DGKB: variants seen among roughly 807,000 people sequenced by gnomAD.
The protein encoded by DGKB is 90 kDa diacylglycerol kinase.
A neutral mutation model predicts 114.3 loss-of-function variants in DGKB; 67 were observed. The ratio of observed to expected loss-of-function variants is 0.59; its 90% confidence interval spans 0.48 to 0.72. The LOEUF (loss-of-function observed/expected upper bound fraction) is 0.72. Ranked by LOEUF, DGKB falls within the 30% of genes least tolerant of loss-of-function variation. DGKB has a pLI of 0.00. For missense variants in DGKB, 907 were observed against 975.2 expected, an observed-to-expected ratio of 0.93 and a Z score of 0.93; for synonymous variants, 398 against 323.1, an observed-to-expected ratio of 1.23 and a Z score of -2.49.
At chr7:14,150,824 T>C (rs1376980195) in intron 25 of DGKB, among the ~76,000 whole-genome samples, 1 of 152,128 alleles carries the variant, frequency 6.6e-6, no homozygotes, top group Non-Finnish European at 1.5e-5. Context: ...AAATTCTAGC[T>C]GTAGACAGGG....
chr7:14,929,336 T>C (rs1188404224), intron 1 of DGKB, among the ~76,000 whole-genome samples: 3 of 152,152 alleles, frequency 2.0e-5, no homozygotes, highest in African/African-American at 7.2e-5. Context: ...TGTACTAAAG[T>C]ACTTTCCCAT....
chr7:14,210,669 A>G (rs997797374), intron 23 of DGKB, among the ~76,000 whole-genome samples: 4 of 152,050 alleles, frequency 2.6e-5, no homozygotes, highest in African/African-American at 7.2e-5. Context: ...CACATGTCCA[A>G]CAACACAAAG....
chr7:14,661,607 G>A (rs1349504307), intron 13 of DGKB, among the ~76,000 whole-genome samples: 1 of 152,084 alleles, frequency 6.6e-6, no homozygotes, highest in Non-Finnish European at 1.5e-5. Context: ...ACTGCTGGTA[G>A]GACTGTAAAC....
At chr7:14,555,931 A>G (rs1366413367) in intron 20 of DGKB, among the ~76,000 whole-genome samples, 2 of 152,226 alleles carry the variant, frequency 1.3e-5, no homozygotes, top group Admixed American at 1.3e-4. Flanking sequence ...AATAACCATA[A>G]AAATGGGCAA....
intron 1 of DGKB, among the ~76,000 whole-genome samples, chr7:14,889,592 G>T (rs555528247): frequency 7.3e-4 from 110 of 151,424 alleles, no homozygotes; most frequent in Non-Finnish European, 1.2e-3. Context: ...TATCCAGCTA[G>T]CAAAGAATAA....
At chr7:14,363,919 T>C (rs1365712567) in intron 21 of DGKB, among the ~76,000 whole-genome samples, 7 of 152,182 alleles carry the variant, frequency 4.6e-5, no homozygotes, top group Non-Finnish European at 8.8e-5. Context: ...TTGGTAATTG[T>C]GACTGTCTTT....
Position 14,448,471 on chromosome 7 carries a change from G to T in DGKB, c.1835+29690C>A, listed in dbSNP as rs186873672. 1.1e-4 allele frequency among the ~76,000 whole-genome samples: 17 copies of T among 152,124 alleles called. No individual in the cohort carries two copies. The East Asian group carries it at 3.3e-3, about 30-fold the overall frequency. ...GAATGTCTGCCTGTAGTTTTGATAAGACTGGAAAGTGGAAGGCAGATGGTA... is the reference window on the plus strand; with the variant it reads ...GAATGTCTGCCTGTAGTTTTGATAATACTGGAAAGTGGAAGGCAGATGGTA... On this transcript the variant is annotated intron_variant, in intron 21 of 25. Coordinates refer to ENST00000402815, the MANE Select transcript of DGKB (RefSeq NM_001350709.2).
intron 2 of DGKB, among the ~76,000 whole-genome samples, chr7:14,787,683 G>C (rs1049073003): frequency 6.6e-6 from 1 of 152,200 alleles, no homozygotes; most frequent in African/African-American, 2.4e-5. Flanking sequence ...CTCTGAAGGT[G>C]CTGACAAGAA....
chr7:14,491,812 C>G (rs149092491), intron 20 of DGKB, among the ~76,000 whole-genome samples: 1 of 151,806 alleles, frequency 6.6e-6, no homozygotes, highest in Non-Finnish European at 1.5e-5. Context: ...TTTAACTGTC[C>G]TTTATTGTAA....
chr7:14,691,152 C>T (rs540996190), intron 9 of DGKB, among the ~76,000 whole-genome samples: 1 of 152,288 alleles, frequency 6.6e-6, no homozygotes, highest in African/African-American at 2.4e-5. Context: ...AAATAAATTG[C>T]ATTGAAATCG....
At chr7:14,251,479 G>C (rs1338037036) in intron 23 of DGKB, among the ~76,000 whole-genome samples, 1 of 151,964 alleles carries the variant, frequency 6.6e-6, no homozygotes. Context: ...GTAGCTATGG[G>C]TTTTTAAAGT....
chr7:14,295,020 G>A (rs1256684507), intron 23 of DGKB, among the ~76,000 whole-genome samples: 3 of 152,104 alleles, frequency 2.0e-5, no homozygotes, highest in African/African-American at 4.8e-5. Context: ...CCATCAACAG[G>A]TATCAAACTT....
At chr7:14,887,225 C>A (rs1376944274) in intron 1 of DGKB, among the ~76,000 whole-genome samples, 1 of 151,784 alleles carries the variant, frequency 6.6e-6, no homozygotes, top group African/African-American at 2.4e-5. Context: ...CTTTAAAAGG[C>A]CAGCAAAGAT....
chr7:14,590,163 T>TA (rs766451610), intron 17 of DGKB, among the ~76,000 whole-genome samples: 35 of 24,830 alleles, frequency 1.4e-3, no homozygotes, highest in Admixed American at 2.2e-3. Context: ...AGTATAATAA[T>TA]AAAAAAAAAA....
intron 21 of DGKB, among the ~76,000 whole-genome samples, chr7:14,405,399 C>G (rs545915474): frequency 1.3e-5 from 2 of 152,122 alleles, no homozygotes; most frequent in South Asian, 2.1e-4. Context: ...GCTACTTAAT[C>G]TCTATAAATG....
chr7:14,222,784 T>C (rs1477140183), intron 23 of DGKB, among the ~76,000 whole-genome samples: 1 of 151,566 alleles, frequency 6.6e-6, no homozygotes, highest in Non-Finnish European at 1.5e-5. Flanking sequence ...CTGAATTGTC[T>C]ATTTCTCCTT....
At chr7:14,499,675 G>A (rs1785830867) in intron 20 of DGKB, among the ~76,000 whole-genome samples, 1 of 151,762 alleles carries the variant, frequency 6.6e-6, no homozygotes, top group South Asian at 2.1e-4. Context: ...TACAAATAAT[G>A]AGCTGGTGGC....
chr7:14,474,779 C>A (rs1584236726), intron 21 of DGKB, among the ~76,000 whole-genome samples: 1 of 149,968 alleles, frequency 6.7e-6, no homozygotes, highest in Non-Finnish European at 1.5e-5. Context: ...TTTTAAATAC[C>A]AATATTATGT....
At chr7:14,567,568 T>C (rs1408396187) in intron 20 of DGKB, among the ~76,000 whole-genome samples, 2 of 97,816 alleles carry the variant, frequency 2.0e-5, no homozygotes, top group African/African-American at 4.0e-5. Flanking sequence ...TGGATAATTA[T>C]ATATAATTAT....
Sources: gnomAD v4.1 joint callset for allele counts (sites outside exome capture counted in the v4.1 genomes callset) on GRCh38, gnomAD v4.1.1 for gene constraint, MANE v1.5 for transcripts, NCBI Gene and HGNC (gene_info 2026-07-23, HGNC 2026-07-21) for gene names.